The following EXO1 variants were observed in gnomAD, a reference collection of about 807,000 sequenced individuals.
EXO1 encodes exonuclease 1.
Under a neutral mutation model 84.5 loss-of-function variants are expected in EXO1, and 69 were observed. The ratio of observed to expected loss-of-function variants is 0.82; its 90% CI spans 0.67 to 1.00. The LOEUF (loss-of-function observed/expected upper bound fraction) is 1.00. Among genes scored for constraint, EXO1 ranks in the 50% least tolerant of loss-of-function variants. The probability of loss-of-function intolerance (pLI) is 0.00; values close to 1 mark genes in which losing one functional copy is unlikely to be tolerated. For synonymous variants in EXO1, 373 were observed against 366.1 expected (o/e 1.02, Z -0.21); for missense variants, 1,045 against 1,000.7 (o/e 1.04, Z -0.60).
chr1:241,855,423 C>A (rs1660933598), intron 6 of EXO1, among the ~76,000 whole-genome samples: 1 of 152,204 alleles, frequency 6.6e-6, no homozygotes, highest in African/African-American at 2.4e-5. Flanking sequence ...AAACCTTGAG[C>A]TAGATACAGA....
chr1:241,889,777 T>C lies in EXO1; in HGVS notation c.*177T>C. The C allele has an allele frequency of 1.6e-6, 1 of 628,548 alleles. No individual in the cohort carries two copies. The highest frequency in any genetic ancestry group is 2.8e-6 in the Non-Finnish European group (1 of 359,142). 38.9% of individuals were successfully genotyped at this position (628,548 alleles called of 1,614,324 possible). On this transcript the variant is annotated 3_prime_UTR_variant, in exon 16 of 16. Transcript: ENST00000366548. ...GGGTTGTGGTTTTTTTGCTCAGCTT[T>C]TTATATTTTTATAAGAAGCTAAATA...
rs1350200394 is a variant in EXO1, at chr1:241,889,628, G to A, written c.*28G>A. On this transcript the variant is annotated 3_prime_UTR_variant, in exon 16 of 16. Coordinates refer to ENST00000366548, the MANE Select transcript of EXO1 (RefSeq NM_130398.4). ...GCAGACTGCTGCAAAGCTTTTGCCT[G>A]CAAGAGAATCTGATCAATTTGAAGT... 7 of 1,612,102 alleles carry A rather than the reference G, an allele frequency of 4.3e-6. No individual in the cohort carries two copies. The highest frequency in any genetic ancestry group is 1.6e-4 in the Middle Eastern group (1 of 6,082).
intron 9 of EXO1, 81 bp from the exon 10 acceptor site, chr1:241,861,325 A>G (rs1193427025): frequency 2.5e-6 from 2 of 785,824 alleles, no homozygotes; most frequent in Non-Finnish European, 2.3e-6. Context: ...TCGTGACAAT[A>G]GAAAACATTT....
intron 6 of EXO1, among the ~76,000 whole-genome samples, chr1:241,853,900 G>A (rs927477633): frequency 2.0e-5 from 3 of 151,982 alleles, no homozygotes; most frequent in Non-Finnish European, 4.4e-5. Flanking sequence ...TGGAGGCATC[G>A]GTCTCACCCA....
At chr1:241,884,909 T>G (rs1425987388) in intron 14 of EXO1, among the ~76,000 whole-genome samples, 2 of 152,206 alleles carry the variant, frequency 1.3e-5, no homozygotes, top group African/African-American at 4.8e-5. Context: ...TTTGTTCTTA[T>G]GTATAAAGAA....
In EXO1 at chr1:241,879,146, G is replaced by A. The variant is rs753339050; in HGVS notation, c.1912G>A (p.Asp638Asn). 1.2e-5 allele frequency: 19 copies of A among 1,609,196 alleles called. No homozygotes were observed. The highest frequency in any genetic ancestry group is 3.3e-5 in the Admixed American group (2 of 59,946). Residue 638 changes from aspartate (D) to asparagine (N), a missense_variant, in exon 13 of 16, where the codon GAT (aspartate) becomes AAT (asparagine). Coordinates refer to ENST00000366548, the MANE Select transcript of EXO1 (RefSeq NM_130398.4). ...TALQQFRRKS[D>N]SPTSLPENNM... The stretch of plus-strand genomic sequence containing the variant: ...ATTGCAGCAGTTCCGAAGAAAGAGC[G>A]ATTCCCCCACCTCTTTGCCTGAGAA...
At chr1:241,852,141 A>C (rs1660705332) in intron 4 of EXO1, 151 bp from the exon 5 acceptor site, 1 of 655,618 alleles carries the variant, frequency 1.5e-6, no homozygotes, top group Non-Finnish European at 2.6e-6. Flanking sequence ...AAGTCTAGTA[A>C]GTTAGAGTTC....
At position 241,850,520 on chromosome 1, in the gene EXO1, A is replaced by G. The variant is rs1646837243; in HGVS notation, c.95A>G (p.Tyr32Cys). The G allele has an allele frequency of 1.2e-6, 2 of 1,613,996 alleles. No homozygotes were observed. Among genetic ancestry groups the G allele is most frequent in the Non-Finnish European group, 1.7e-6 (2 of 1,179,870 alleles). Residue 32 changes from tyrosine to cysteine, a missense_variant, in exon 4 of 16, where the codon TAT (tyrosine) becomes TGT (cysteine). By Grantham distance (194) the Tyr-to-Cys change is radical. Transcript: ENST00000366548. ...YKGQVVAVDT[Y>C]CWLHKGAIAC... ...GGGCAGGTAGTAGCTGTGGATACAT[A>G]TTGCTGGCTTCACAAAGGAGCTATT... is the stretch of plus-strand genomic sequence containing the variant.
chr1:241,848,196 G>A (rs1255184266), upstream of EXO1: 2 of 152,324 alleles, frequency 1.3e-5, no homozygotes, highest in East Asian at 1.9e-4. This position sits in a 1 kb window ranked among gnomAD's most constrained non-coding sequence, Gnocchi z 4.2. Flanking sequence ...CGCGCAAATT[G>A]AAAGGTCAGC....
rs757966518 is a variant in EXO1 at position 241,857,430 on chromosome 1, T to C, written c.491T>C (p.Val164Ala). The C allele has an allele frequency of 6.2e-7, 1 of 1,613,644 alleles. No individual in the cohort carries two copies. Among genetic ancestry groups the C allele is most frequent in the African/African-American group, 1.3e-5 (1 of 74,884 alleles). ...QLAYLNKAGI[V>A]QAIITEDSDL... is the part of the protein sequence containing the mutation. Reference sequence around the variant, plus strand: ...GCCTATCTTAACAAAGCGGGAATTGTGCAAGCCATAATTACAGAGGACTCG... The same window carrying C: ...GCCTATCTTAACAAAGCGGGAATTGCGCAAGCCATAATTACAGAGGACTCG... Residue 164 changes from valine to alanine, a missense_variant, in exon 7 of 16, where the codon GTG becomes GCG. Val to Ala is a moderately conservative substitution (Grantham distance 64). Coordinates refer to ENST00000366548, the MANE Select transcript of EXO1 (RefSeq NM_130398.4).
intron 6 of EXO1, among the ~76,000 whole-genome samples, chr1:241,855,636 T>C (rs996280003): frequency 1.3e-5 from 2 of 152,106 alleles, no homozygotes; most frequent in African/African-American, 2.4e-5. Context: ...CAGGGGGTGG[T>C]GCTCGTTGGG....
rs758324514 is a variant in EXO1, at chr1:241,878,843, C to T, written c.1609C>T (p.Leu537=). 87 of 1,613,902 alleles carry T rather than the reference C, an allele frequency of 5.4e-5. No homozygotes were observed. The South Asian group carries it at 9.1e-4, about 17-fold the overall frequency. Reference sequence around the variant, plus strand: ...TGCTGTCACAGATAAAGAGAACAATCTGCATGAATCAGAGTATGGAGACCA... The same window carrying T: ...TGCTGTCACAGATAAAGAGAACAATTTGCATGAATCAGAGTATGGAGACCA... ...ETAVTDKENN[L]HESEYGDQEG... Residue 537 remains leucine (L), a synonymous_variant, in exon 13 of 16, where the codon CTG becomes TTG. Transcript: ENST00000366548.
intron 10 of EXO1, 109 bp downstream of exon 10, chr1:241,861,611 G>A: frequency 1.3e-6 from 1 of 740,974 alleles, no homozygotes; most frequent in Non-Finnish European, 2.5e-6. Flanking sequence ...TCTATATCCA[G>A]GCTCTGTGCA....
chr1:241,862,138 A>C (rs557593705), intron 10 of EXO1, among the ~76,000 whole-genome samples: 1 of 152,238 alleles, frequency 6.6e-6, no homozygotes, highest in South Asian at 2.1e-4. Context: ...GGATTTCTGC[A>C]TGTTGGCCAG....
At chr1:241,872,419 T>TA in intron 12 of EXO1, 141 bp downstream of exon 12, 2 of 864,890 alleles carry the variant, frequency 2.3e-6, no homozygotes, top group East Asian at 5.4e-5. Flanking sequence ...TTTTGTTACA[T>TA]GGGTATACAT....
chr1:241,889,084 AT>A (rs1041845379), intron 15 of EXO1, among the ~76,000 whole-genome samples: 132 of 152,014 alleles, frequency 8.7e-4, no homozygotes, highest in African/African-American at 2.5e-3. Flanking sequence ...AAGAAAAAAA[AT>A]AATAATAAGA....
chr1:241,859,849 T>G (rs569143376), intron 8 of EXO1, among the ~76,000 whole-genome samples: 7 of 152,322 alleles, frequency 4.6e-5, no homozygotes, highest in African/African-American at 1.7e-4. Context: ...TCTAAACCCT[T>G]AACAGTTTGC....
At chr1:241,877,941 T>C (rs1169474102) in intron 12 of EXO1, among the ~76,000 whole-genome samples, 1 of 152,148 alleles carries the variant, frequency 6.6e-6, no homozygotes, top group Non-Finnish European at 1.5e-5. Context: ...TTTCTTTAAT[T>C]TTGCTTCCTA....
chr1:241,866,383 G>T (rs1661728872), intron 10 of EXO1, among the ~76,000 whole-genome samples: 1 of 152,078 alleles, frequency 6.6e-6, no homozygotes, highest in South Asian at 2.1e-4. Context: ...CAAATTGCTG[G>T]GATTATAGGC....
Sources: gnomAD v4.1 joint callset for allele counts (sites outside exome capture counted in the v4.1 genomes callset) on GRCh38, gnomAD v4.1.1 for gene constraint, Gnocchi (gnomAD v3.1) non-coding constraint, MANE v1.5 for transcripts, NCBI Gene and HGNC (gene_info 2026-07-23, HGNC 2026-07-21) for gene names.